The following NEBL variants were observed in gnomAD, a reference collection of about 807,000 sequenced individuals.
NEBL encodes LIM and SH3 protein 2.
In NEBL, 122 loss-of-function variants were observed where a neutral mutation model predicts 140.2. The observed-to-expected ratio is 0.87, with a 90% CI of 0.75 to 1.01. The LOEUF (loss-of-function observed/expected upper bound fraction) is 1.01, where lower values mean the gene tolerates loss of function less well. Among genes scored for constraint, NEBL ranks in the 50% least tolerant of loss-of-function variants. NEBL has a pLI of 0.00. For missense variants in NEBL, 1,365 were observed against 1,231.3 expected (o/e 1.11, Z -1.62); for synonymous variants, 436 against 398.9 (o/e 1.09, Z -1.11).
intron 3 of NEBL, among the ~76,000 whole-genome samples, chr10:20,999,027 C>T (rs1837778978): frequency 6.6e-6 from 1 of 152,112 alleles, no homozygotes. Flanking sequence ...GTAAAGAAGT[C>T]CAAGCAAACA....
chr10:20,903,575 C>T (rs1012525601), intron 4 of NEBL, among the ~76,000 whole-genome samples: 1 of 152,124 alleles, frequency 6.6e-6, no homozygotes. Context: ...TGTTATGTTT[C>T]TCACAGCACA....
intron 2 of NEBL, among the ~76,000 whole-genome samples, chr10:20,893,946 A>C (rs1471386581): frequency 6.6e-6 from 1 of 152,198 alleles, no homozygotes; most frequent in Non-Finnish European, 1.5e-5. Flanking sequence ...AGCTTTCTGC[A>C]GCTCCCAAGT....
intron 11 of NEBL, among the ~76,000 whole-genome samples, chr10:20,846,930 TA>T (rs1015526398): frequency 6.6e-6 from 1 of 152,114 alleles, no homozygotes; most frequent in Admixed American, 6.6e-5. Context: ...AAGCCAAATT[TA>T]AAGATTTCCT....
intron 4 of NEBL, among the ~76,000 whole-genome samples, chr10:20,945,457 C>T (rs960051349): frequency 1.3e-5 from 2 of 152,132 alleles, no homozygotes; most frequent in African/African-American, 4.8e-5. Flanking sequence ...GTAAAGTAAG[C>T]ATATTCTGAA....
chr10:20,938,737 C>T (rs181358497), intron 4 of NEBL, among the ~76,000 whole-genome samples: 1 of 152,124 alleles, frequency 6.6e-6, no homozygotes, highest in Admixed American at 6.5e-5. Flanking sequence ...GCAAAGAAGT[C>T]CTCAAAGGAC....
At chr10:21,195,757 A>G (rs1031763040) in intron 3 of NEBL, among the ~76,000 whole-genome samples, 3 of 152,368 alleles carry the variant, frequency 2.0e-5, no homozygotes, top group South Asian at 2.1e-4. Context: ...TGTATATTTT[A>G]TACTCTAGGG....
At chr10:21,155,762 G>T (rs1003224274) in intron 2 of NEBL, among the ~76,000 whole-genome samples, 1 of 152,140 alleles carries the variant, frequency 6.6e-6, no homozygotes, top group African/African-American at 2.4e-5. Context: ...AAACTGACTG[G>T]GCAAGGGAGG....
chr10:20,809,439 A>G lies in NEBL; in HGVS notation c.2611+367T>C, dbSNP rs192200944. Among the ~76,000 whole-genome samples, 242 of 152,332 alleles carry G rather than the reference A, an allele frequency of 1.6e-3. 1 individual carries two copies. The highest frequency in any genetic ancestry group is 3.4e-3 in the Middle Eastern group (1 of 294). On this transcript the variant is annotated intron_variant, in intron 25 of 27. Coordinates refer to ENST00000377122, the MANE Select transcript of NEBL (RefSeq NM_006393.3). The stretch of plus-strand genomic sequence containing the variant: ...GTAAAAAACCTTTCTACTGTTCTAT[A>G]TATAATTCTTTAAATCTACCTTTAA...
chr10:21,099,695 T>C (rs1450330790), intron 2 of NEBL, among the ~76,000 whole-genome samples: 5 of 152,214 alleles, frequency 3.3e-5, no homozygotes, highest in African/African-American at 1.2e-4. Flanking sequence ...TCTTCCATTT[T>C]ATCTCCATGA....
At chr10:20,875,633 C>T (rs1432250873) in intron 5 of NEBL, among the ~76,000 whole-genome samples, 1 of 152,130 alleles carries the variant, frequency 6.6e-6, no homozygotes, top group South Asian at 2.1e-4. Context: ...CACAGACTCT[C>T]CTTGAAGTGG....
In NEBL at chr10:20,808,673, A is replaced by G; in HGVS notation, c.2612-14T>C. On this transcript the variant is annotated splice_polypyrimidine_tract_variant and intron_variant, in intron 25 of 27. Coordinates refer to ENST00000377122, the MANE Select transcript of NEBL (RefSeq NM_006393.3). Reference sequence around the variant, plus strand: ...GACTCGCCTTTTCTATATTGGAGGGAAAATATTTACACGTGTGATTAAGTG... The same window carrying G: ...GACTCGCCTTTTCTATATTGGAGGGGAAATATTTACACGTGTGATTAAGTG... The G allele has an allele frequency of 6.2e-7, 1 of 1,609,484 alleles. No homozygotes were observed. The highest frequency in any genetic ancestry group is 8.5e-7 in the Non-Finnish European group (1 of 1,176,126).
intron 3 of NEBL, among the ~76,000 whole-genome samples, chr10:21,187,755 C>A (rs1415126345): frequency 6.6e-6 from 1 of 152,130 alleles, no homozygotes; most frequent in Admixed American, 6.5e-5. Context: ...CTCAAGCAAT[C>A]CTCGCACCTC....
chr10:21,168,273 T>C (rs1840878486), intron 2 of NEBL, among the ~76,000 whole-genome samples: 1 of 152,214 alleles, frequency 6.6e-6, no homozygotes, highest in South Asian at 2.1e-4. Flanking sequence ...CTTACAATAA[T>C]TCCAAATGTC....
intron 9 of NEBL, among the ~76,000 whole-genome samples, chr10:20,857,898 A>G (rs1054974269): frequency 6.6e-6 from 1 of 152,188 alleles, no homozygotes; most frequent in African/African-American, 2.4e-5. Context: ...TCTGGCCTGC[A>G]TAAAGTAAAA....
chr10:20,960,120 T>C (rs1203339852), intron 4 of NEBL, among the ~76,000 whole-genome samples: 13 of 152,224 alleles, frequency 8.5e-5, no homozygotes, highest in Middle Eastern at 3.4e-3. Flanking sequence ...ATGTTAGCTG[T>C]CACATGGATG....
At chr10:21,035,318 G>A (rs1833970039) in intron 2 of NEBL, among the ~76,000 whole-genome samples, 1 of 124,140 alleles carries the variant, frequency 8.1e-6, no homozygotes, top group Admixed American at 9.0e-5. Context: ...TTATTCTGAT[G>A]CTCTCCTTCC....
chr10:20,942,506 T>C (rs1454352194), intron 4 of NEBL, among the ~76,000 whole-genome samples: 1 of 152,182 alleles, frequency 6.6e-6, no homozygotes, highest in Admixed American at 6.5e-5. Context: ...ACCTAGGGAA[T>C]ACCATTCAGG....
At chr10:21,227,851 T>TTTC (rs140137423) in intron 3 of NEBL, among the ~76,000 whole-genome samples, 7 of 151,486 alleles carry the variant, frequency 4.6e-5, no homozygotes, top group Non-Finnish European at 1.0e-4. Flanking sequence ...TTTCTTCTTC[T>TTTC]TTCTTCTTCT....
chr10:20,862,265 A>AT (rs1253953516), intron 7 of NEBL, among the ~76,000 whole-genome samples: 1 of 152,194 alleles, frequency 6.6e-6, no homozygotes, highest in African/African-American at 2.4e-5. Flanking sequence ...GTATTGTGAA[A>AT]TTTATCTTGT....
Sources: gnomAD v4.1 joint callset for allele counts (sites outside exome capture counted in the v4.1 genomes callset) on GRCh38, gnomAD v4.1.1 for gene constraint, MANE v1.5 for transcripts, NCBI Gene and HGNC (gene_info 2026-07-23, HGNC 2026-07-21) for gene names.